KANK4: variants seen among roughly 807,000 people sequenced by gnomAD.
KANK4 encodes the protein KN motif and ankyrin repeat domains 4, also known as KN motif and ankyrin repeat domain-containing protein 4.
KANK4 carries 50 observed loss-of-function variants against 80.8 expected under a neutral mutation model. The ratio of observed to expected loss-of-function variants is 0.62; its 90% CI spans 0.49 to 0.78. The LOEUF is 0.78. Ranked by LOEUF, KANK4 falls within the 30% of genes least tolerant of loss-of-function variation. The probability of loss-of-function intolerance (pLI) is 0.00; values close to 1 mark genes in which losing one functional copy is unlikely to be tolerated. For synonymous variants in KANK4, 465 were observed against 506.9 expected (o/e 0.92, Z 1.11); for missense variants, 1,196 against 1,240.1 (o/e 0.96, Z 0.53).
chr1:62,304,862 T>C (rs995539968), intron 1 of KANK4, among the ~76,000 whole-genome samples: 1 of 152,098 alleles, frequency 6.6e-6, no homozygotes, highest in East Asian at 1.9e-4. Flanking sequence ...GTTTAAGGCA[T>C]ATCACAACTT....
At chr1:62,263,032 T>A (rs1232379446) in intron 7 of KANK4, 60 bp downstream of exon 7, 3 of 1,313,212 alleles carry the variant, frequency 2.3e-6, no homozygotes, top group East Asian at 2.4e-5. Flanking sequence ...AAAAAAATTT[T>A]AAAAATTGCC....
Position 62,313,773 on chromosome 1 carries a change from G to A in KANK4, c.-71+5333C>T, listed in dbSNP as rs533090716. Among the ~76,000 whole-genome samples the A allele has an allele frequency of 3.7e-4, 57 of 152,136 alleles. No individual in the cohort carries two copies. The East Asian group carries it at 0.01, about 27-fold the overall frequency. ...ATGCGGGGCTTAAAACCTAGATGAC[G>A]GGTTGATAGGTGCAGCAAACCACCA... On this transcript the variant is annotated intron_variant, in intron 1 of 9. Transcript: ENST00000371153.
At chr1:62,263,620 T>C (rs985925369) in intron 6 of KANK4, among the ~76,000 whole-genome samples, 10 of 152,282 alleles carry the variant, frequency 6.6e-5, no homozygotes, top group African/African-American at 2.4e-4. Context: ...GTAAGAAGTT[T>C]AGCTCAAACC....
At chr1:62,268,223 G>A in intron 5 of KANK4, 64 bp downstream of exon 5, 1 of 1,262,358 alleles carries the variant, frequency 7.9e-7, no homozygotes, top group Non-Finnish European at 1.2e-6. Flanking sequence ...GCATGAACGG[G>A]TAGATATATG....
intron 6 of KANK4, among the ~76,000 whole-genome samples, chr1:62,264,061 T>C (rs1241445249): frequency 2.6e-5 from 4 of 152,196 alleles, no homozygotes; most frequent in Non-Finnish European, 5.9e-5. Flanking sequence ...TGATAAATGA[T>C]TGCATACTCA....
intron 1 of KANK4, among the ~76,000 whole-genome samples, chr1:62,291,892 C>T (rs1327987539): frequency 6.6e-6 from 1 of 152,182 alleles, no homozygotes. Flanking sequence ...TAGGTGTGAG[C>T]TACCATACTC....
chr1:62,304,788 G>A (rs115021846), intron 1 of KANK4, among the ~76,000 whole-genome samples: 1,879 of 151,996 alleles, frequency 0.012, 32 homozygotes, highest in African/African-American at 0.042. Context: ...CAGCGCGACC[G>A]GCATGGCTTG....
intron 1 of KANK4, among the ~76,000 whole-genome samples, chr1:62,308,480 G>C (rs899565686): frequency 1.3e-5 from 2 of 152,096 alleles, no homozygotes; most frequent in Non-Finnish European, 2.9e-5. Context: ...CACCAGCCAG[G>C]AGCCTGGGCC....
chr1:62,293,760 G>GTATTA (rs1420661609), intron 1 of KANK4, among the ~76,000 whole-genome samples: 5 of 152,142 alleles, frequency 3.3e-5, no homozygotes, highest in Non-Finnish European at 5.9e-5. Flanking sequence ...GGGCGTTTTG[G>GTATTA]TATTAGTGCA....
Position 62,290,593 on chromosome 1 carries a change from A to G in KANK4, c.-70-8959T>C, listed in dbSNP as rs769474452. Among the ~76,000 whole-genome samples, 23 of 152,310 alleles carry G rather than the reference A, an allele frequency of 1.5e-4. No homozygotes were observed. In the Middle Eastern group the frequency reaches 0.01, roughly 68 times the overall value. On this transcript the variant is annotated intron_variant, in intron 1 of 9. Coordinates refer to ENST00000371153, the MANE Select transcript of KANK4 (RefSeq NM_181712.5). ...CTATGATTACTTTTTAAAACCCACA[A>G]TGTGAAGCAAGGAAAGGGCAAGGAT...
At chr1:62,275,391 T>C (rs189404626) in intron 2 of KANK4, among the ~76,000 whole-genome samples, 2 of 152,194 alleles carry the variant, frequency 1.3e-5, no homozygotes, top group African/African-American at 2.4e-5. Context: ...CAAAACCAAA[T>C]GGTCTTGTAC....
At chr1:62,285,427 C>T (rs1473968566) in intron 1 of KANK4, among the ~76,000 whole-genome samples, 3 of 152,230 alleles carry the variant, frequency 2.0e-5, no homozygotes, top group Non-Finnish European at 4.4e-5. Flanking sequence ...TCCACACTTA[C>T]GCCTTTTATG....
At chr1:62,263,449 A>C in intron 6 of KANK4, 138 bp from the exon 7 acceptor site, 1 of 715,844 alleles carries the variant, frequency 1.4e-6, no homozygotes, top group South Asian at 1.6e-5. Flanking sequence ...TGAAGGGCTC[A>C]GAGCTGGTGG....
chr1:62,302,956 A>C (rs1035750841), intron 1 of KANK4, among the ~76,000 whole-genome samples: 1 of 152,066 alleles, frequency 6.6e-6, no homozygotes, highest in Non-Finnish European at 1.5e-5. Context: ...GTGGGAAGAG[A>C]AGGCTTTCAA....
chr1:62,275,645 G>A (rs866501173), intron 2 of KANK4, among the ~76,000 whole-genome samples: 1 of 152,192 alleles, frequency 6.6e-6, no homozygotes, highest in Non-Finnish European at 1.5e-5. Flanking sequence ...TTAAGCTTGT[G>A]CAGATGCCTG....
chr1:62,259,267 C>T (rs908116922), intron 7 of KANK4, among the ~76,000 whole-genome samples: 2 of 151,872 alleles, frequency 1.3e-5, no homozygotes, highest in African/African-American at 4.8e-5. Flanking sequence ...GGAATGGGAC[C>T]GACTTTTCTT....
intron 1 of KANK4, among the ~76,000 whole-genome samples, chr1:62,314,868 T>C (rs1644527249): frequency 6.6e-6 from 1 of 152,218 alleles, no homozygotes. Context: ...AGTGATCCTT[T>C]TGAAAACAGG....
chr1:62,260,659 C>A (rs1220579045), intron 7 of KANK4, among the ~76,000 whole-genome samples: 1 of 152,198 alleles, frequency 6.6e-6, no homozygotes, highest in Non-Finnish European at 1.5e-5. Context: ...TCCAAAGTCA[C>A]CAGTGGCACT....
At chr1:62,304,897 C>T (rs1644439003) in intron 1 of KANK4, among the ~76,000 whole-genome samples, 2 of 152,210 alleles carry the variant, frequency 1.3e-5, no homozygotes, top group South Asian at 2.1e-4. Flanking sequence ...TGCTTATCTG[C>T]TACCTACCAC....
Sources: gnomAD v4.1 joint callset for allele counts (sites outside exome capture counted in the v4.1 genomes callset) on GRCh38, gnomAD v4.1.1 for gene constraint, MANE v1.5 for transcripts, NCBI Gene and HGNC (gene_info 2026-07-23, HGNC 2026-07-21) for gene names.